The following SETBP1 variants were observed in gnomAD, a reference collection of about 807,000 sequenced individuals.
The protein encoded by SETBP1 is SET-binding protein.
A neutral mutation model predicts 101.0 loss-of-function variants in SETBP1; 9 were observed. That is an observed-to-expected ratio of 0.09 (90% CI 0.05 to 0.16). SETBP1 has a LOEUF of 0.16. SETBP1 is among the 10% of genes least tolerant of loss of function. The pLI, the probability that SETBP1 is intolerant of heterozygous loss-of-function variation, is 1.00. For synonymous variants in SETBP1, 818 were observed against 788.5 expected (o/e 1.04, Z -0.63); for missense variants, 1,858 against 2,033.8 (o/e 0.91, Z 1.66).
chr18:44,837,395 AT>A (rs1382202431), intron 2 of SETBP1, among the ~76,000 whole-genome samples: 1 of 152,204 alleles, frequency 6.6e-6, no homozygotes, highest in Non-Finnish European at 1.5e-5. Flanking sequence ...TTTCTAAATC[AT>A]TTATTTAAAT....
Position 44,701,565 on chromosome 18 carries a change from C to T in SETBP1, c.219C>T (p.Ser73=), listed in dbSNP as rs962980403. The T allele has an allele frequency of 6.2e-7, 1 of 1,614,038 alleles. No individual in the cohort carries two copies. Reference sequence around the variant, plus strand: ...CAGGGCGGGATGTGGATTCCAACTCCAACGCGGACAGTGAGAAATGGGTGG... The same window carrying T: ...CAGGGCGGGATGTGGATTCCAACTCTAACGCGGACAGTGAGAAATGGGTGG... ...LGSGRDVDSN[S]NADSEKWVAG... is the part of the protein sequence containing the mutation. The change falls in exon 2 of 6, where the codon TCC becomes TCT. Residue 73 remains serine (S), a synonymous_variant. Transcript: ENST00000649279.
At chr18:44,742,215 G>A (rs187357252) in intron 2 of SETBP1, among the ~76,000 whole-genome samples, 1 of 152,320 alleles carries the variant, frequency 6.6e-6, no homozygotes, top group Admixed American at 6.5e-5. Context: ...GAAGCCAAGA[G>A]AGGAGAGTTA....
chr18:44,876,119 C>G (rs2069397047), intron 3 of SETBP1, among the ~76,000 whole-genome samples: 1 of 152,206 alleles, frequency 6.6e-6, no homozygotes, highest in African/African-American at 2.4e-5. Context: ...TGTTCTCATT[C>G]CTGTCCTTCC....
intron 4 of SETBP1, among the ~76,000 whole-genome samples, chr18:45,027,765 T>G (rs117302799): frequency 6.6e-6 from 1 of 152,152 alleles, no homozygotes; most frequent in African/African-American, 2.4e-5. Context: ...TCCACAAACT[T>G]AGTGGCTTAA....
At chr18:44,798,989 T>C (rs1424187060) in intron 2 of SETBP1, among the ~76,000 whole-genome samples, 1 of 152,216 alleles carries the variant, frequency 6.6e-6, no homozygotes, top group Non-Finnish European at 1.5e-5. Context: ...TTCCATCCTT[T>C]GGTTCCTCAG....
At chr18:45,018,797 A>T (rs2073000453) in intron 4 of SETBP1, among the ~76,000 whole-genome samples, 1 of 152,226 alleles carries the variant, frequency 6.6e-6, no homozygotes, top group South Asian at 2.1e-4. Flanking sequence ...TCATGTGGCT[A>T]AGTATTAAAC....
chr18:45,044,985 A>G (rs546292728), intron 5 of SETBP1, among the ~76,000 whole-genome samples: 2 of 152,340 alleles, frequency 1.3e-5, no homozygotes, highest in South Asian at 4.1e-4. Flanking sequence ...ACAAGTTAAC[A>G]TAAAAGCTGG....
chr18:45,058,003 G>T (rs1375286007), intron 5 of SETBP1, among the ~76,000 whole-genome samples: 1 of 152,190 alleles, frequency 6.6e-6, no homozygotes, highest in African/African-American at 2.4e-5. Flanking sequence ...TTCTGATAAT[G>T]GGAGTGAAAA....
chr18:44,744,916 C>G (rs368980326), intron 2 of SETBP1, among the ~76,000 whole-genome samples: 1 of 152,080 alleles, frequency 6.6e-6, no homozygotes, highest in African/African-American at 2.4e-5. Flanking sequence ...GGCGGGATGT[C>G]GGATTGATTT....
At chr18:45,035,885 A>G (rs905275036) in intron 4 of SETBP1, among the ~76,000 whole-genome samples, 13 of 152,208 alleles carry the variant, frequency 8.5e-5, no homozygotes, top group African/African-American at 2.4e-4. Context: ...TCTGCCCATT[A>G]TCAGACTTTT....
chr18:44,930,520 C>T (rs113443109), intron 3 of SETBP1, among the ~76,000 whole-genome samples: 204 of 152,248 alleles, frequency 1.3e-3, no homozygotes, highest in Non-Finnish European at 1.8e-3. Context: ...GGTACCAGTT[C>T]CTCTTTGTAC....
At chr18:44,816,619 T>C (rs1394481943) in intron 2 of SETBP1, among the ~76,000 whole-genome samples, 1 of 152,162 alleles carries the variant, frequency 6.6e-6, no homozygotes, top group Non-Finnish European at 1.5e-5. Flanking sequence ...AGAAGGGGCG[T>C]AGCCTTTCCG....
At position 44,889,511 on chromosome 18, in the gene SETBP1, C is replaced by G. The variant is rs75574826; in HGVS notation, c.540+20228C>G. On this transcript the variant is annotated intron_variant, in intron 3 of 5. Transcript: ENST00000649279. ...ATAAGAAATACTGTCTTTGGATGCT[C>G]AAGTCATCTTCTGTTCTAGGGAGCT... Among the ~76,000 whole-genome samples the G allele has an allele frequency of 9.2e-3, 1,407 of 152,200 alleles. 13 individuals carry two copies. Among genetic ancestry groups the G allele is most frequent in the Non-Finnish European group, 0.015 (1,014 of 67,996 alleles).
intron 5 of SETBP1, among the ~76,000 whole-genome samples, chr18:45,052,656 C>T (rs1005967690): frequency 2.0e-5 from 3 of 152,180 alleles, no homozygotes; most frequent in Non-Finnish European, 4.4e-5. Flanking sequence ...GTTCATCCAT[C>T]ATCTACTAAC....
At chr18:44,817,951 A>G (rs867297078) in intron 2 of SETBP1, among the ~76,000 whole-genome samples, 2 of 152,226 alleles carry the variant, frequency 1.3e-5, no homozygotes, top group Non-Finnish European at 2.9e-5. Context: ...CTTTGGACAT[A>G]TATAAGCTTC....
At chr18:45,057,295 C>G (rs1329480909) in intron 5 of SETBP1, among the ~76,000 whole-genome samples, 1 of 151,960 alleles carries the variant, frequency 6.6e-6, no homozygotes. Context: ...GGTAGGTTGC[C>G]TCATTCTCCC....
intron 4 of SETBP1, among the ~76,000 whole-genome samples, chr18:44,969,089 G>A (rs1196569415): frequency 6.6e-6 from 1 of 152,118 alleles, no homozygotes; most frequent in Non-Finnish European, 1.5e-5. Context: ...CAAAATTCTA[G>A]TAATCACAAA....
At chr18:45,013,504 A>C (rs1016127273) in intron 4 of SETBP1, among the ~76,000 whole-genome samples, 1 of 151,596 alleles carries the variant, frequency 6.6e-6, no homozygotes, top group Non-Finnish European at 1.5e-5. Context: ...CAGTGGTGTG[A>C]CCTGGGCTCA....
At position 44,952,777 on chromosome 18, in the gene SETBP1, G is replaced by A. The variant is rs773339586; in HGVS notation, c.3437G>A (p.Arg1146Gln). 16 of 1,613,890 alleles carry A rather than the reference G, an allele frequency of 9.9e-6. No individual in the cohort carries two copies. The highest frequency in any genetic ancestry group is 5.3e-5 in the African/African-American group (4 of 74,852). ...KVGSASLSSGRLHKRKHKHKH... is the reference protein window; with the variant it reads ...KVGSASLSSGQLHKRKHKHKH... ...GGCAGTGCCAGTCTGTCCAGTGGTC[G>A]GCTCCATAAGAGGAAACACAAACAC... The change falls in exon 4 of 6, where the codon CGG becomes CAG. Residue 1146 changes from arginine (R) to glutamine (Q), a missense_variant. This residue lies in a region of SETBP1 where 417 missense variants were observed against 389.1 expected (regional missense o/e 1.07). Transcript: ENST00000649279.
Sources: allele counts gnomAD v4.1 joint callset (sites outside exome capture counted in the v4.1 genomes callset), GRCh38; gene constraint gnomAD v4.1.1; regional missense constraint gnomAD v4.1.1; transcripts MANE v1.5; gene names NCBI Gene and HGNC (gene_info 2026-07-23, HGNC 2026-07-21).